The following ANO3 variants were observed in gnomAD, a reference collection of about 807,000 sequenced individuals.
ANO3 encodes the protein anoctamin 3.
A neutral mutation model predicts 144.8 loss-of-function variants in ANO3; 99 were observed. The ratio of observed to expected loss-of-function variants is 0.68; its 90% CI spans 0.58 to 0.81. The LOEUF is 0.81. Ranked by LOEUF, ANO3 falls within the 30% of genes least tolerant of loss-of-function variation. The pLI is 0.00. For missense variants in ANO3, 905 were observed against 1,202.2 expected (o/e 0.75, Z 3.66); for synonymous variants, 414 against 392.6 (o/e 1.05, Z -0.64).
At chr11:26,489,698 C>A (rs944159563) in intron 4 of ANO3, among the ~76,000 whole-genome samples, 2 of 152,190 alleles carry the variant, frequency 1.3e-5, no homozygotes, top group African/African-American at 4.8e-5. Context: ...GGATGTGAGA[C>A]CTGGAGTCAA....
intron 1 of ANO3, among the ~76,000 whole-genome samples, chr11:26,336,440 A>G (rs1855194782): frequency 6.6e-6 from 1 of 152,232 alleles, no homozygotes; most frequent in African/African-American, 2.4e-5. Context: ...AGCATTTACT[A>G]CTCACATAAC....
chr11:26,431,540 T>G (rs1392864015), intron 1 of ANO3, among the ~76,000 whole-genome samples: 2 of 152,152 alleles, frequency 1.3e-5, no homozygotes, highest in African/African-American at 4.8e-5. Context: ...GTTATTTTTG[T>G]TTGTCTCCCT....
intron 1 of ANO3, among the ~76,000 whole-genome samples, chr11:26,236,587 G>C (rs1025196831): frequency 6.6e-6 from 1 of 152,164 alleles, no homozygotes; most frequent in African/African-American, 2.4e-5. Context: ...GGGAGGCCAA[G>C]GTGGGCGGAT....
At chr11:26,497,278 A>G (rs887994912) in intron 4 of ANO3, among the ~76,000 whole-genome samples, 2 of 152,006 alleles carry the variant, frequency 1.3e-5, no homozygotes, top group Admixed American at 1.3e-4. Context: ...AAATATATAT[A>G]GGTTGATTTC....
At chr11:26,218,620 A>T (rs1012261292) in intron 1 of ANO3, among the ~76,000 whole-genome samples, 2 of 152,198 alleles carry the variant, frequency 1.3e-5, no homozygotes, top group African/African-American at 2.4e-5. Flanking sequence ...GATATAAGCT[A>T]TATAAATATG....
chr11:26,257,507 C>T (rs773734750), intron 1 of ANO3, among the ~76,000 whole-genome samples: 1 of 152,046 alleles, frequency 6.6e-6, no homozygotes, highest in Admixed American at 6.6e-5. Context: ...ATAGTTTCTA[C>T]TCAGTAAAAA....
At chr11:26,534,338 G>A in intron 8 of ANO3, 118 bp from the exon 9 acceptor site, 1 of 568,548 alleles carries the variant, frequency 1.8e-6, no homozygotes, top group South Asian at 3.3e-5. Flanking sequence ...TTTTTAAAGA[G>A]GATGATTTCC....
At chr11:26,573,516 G>T (rs1034897321) in intron 14 of ANO3, among the ~76,000 whole-genome samples, 2 of 152,152 alleles carry the variant, frequency 1.3e-5, no homozygotes, top group East Asian at 1.9e-4. Context: ...AACTGAACAT[G>T]ATTGGGCAGG....
chr11:26,304,673 A>G (rs570760237), upstream of ANO3, among the ~76,000 whole-genome samples: 2 of 152,192 alleles, frequency 1.3e-5, no homozygotes, highest in East Asian at 3.9e-4. Context: ...GAACCACCTC[A>G]TTTTTTACTA....
intron 1 of ANO3, among the ~76,000 whole-genome samples, chr11:26,341,024 T>C (rs555562593): frequency 6.6e-6 from 1 of 152,302 alleles, no homozygotes; most frequent in South Asian, 2.1e-4. Flanking sequence ...TTCTAGGCCC[T>C]GAACAAAGTT....
rs557146965 is a variant in ANO3, at chr11:26,276,552, C to A, written c.155-33093C>A. 7.9e-5 allele frequency among the ~76,000 whole-genome samples: 12 copies of A among 152,244 alleles called. No homozygotes were observed. The South Asian group carries it at 1.7e-3, about 21-fold the overall frequency. ...AGGGATCCGTTTCTAAACAAATAAA[C>A]TTCCATAAAATGGATATTCCCTAAG... On this transcript the variant is annotated intron_variant, in intron 1 of 27. Coordinates refer to the ANO3 transcript ENST00000672621.
intron 1 of ANO3, among the ~76,000 whole-genome samples, chr11:26,260,714 G>T (rs1853167894): frequency 1.3e-5 from 2 of 152,218 alleles, no homozygotes; most frequent in Admixed American, 1.3e-4. Context: ...TGCCAAGGAA[G>T]TAAGGATTAG....
At chr11:26,489,758 A>G (rs1489642657) in intron 4 of ANO3, among the ~76,000 whole-genome samples, 1 of 152,188 alleles carries the variant, frequency 6.6e-6, no homozygotes, top group African/African-American at 2.4e-5. Flanking sequence ...TGGATTTTTG[A>G]CTTGCATGGG....
intron 1 of ANO3, chr11:26,427,231 G>A (rs1235251535): frequency 1.7e-5 from 3 of 179,006 alleles, no homozygotes; most frequent in African/African-American, 7.1e-5. Flanking sequence ...AGATCAGCAT[G>A]AAATTGGAAA....
At chr11:26,649,857 C>G (rs1480761467) in intron 24 of ANO3, among the ~76,000 whole-genome samples, 1 of 152,028 alleles carries the variant, frequency 6.6e-6, no homozygotes, top group Non-Finnish European at 1.5e-5. Flanking sequence ...TTTTAAAAAC[C>G]CTGTTTTTTC....
chr11:26,651,068 G>T (rs561856592), intron 24 of ANO3, among the ~76,000 whole-genome samples: 1 of 151,950 alleles, frequency 6.6e-6, no homozygotes, highest in South Asian at 2.1e-4. Context: ...TTTTTTTTCT[G>T]ATAAAAATAA....
rs1322387891 is a variant in ANO3, at chr11:26,488,533, T to C, written c.433-19571T>C. On this transcript the variant is annotated intron_variant, in intron 4 of 26. Transcript: ENST00000256737. ...GAGTTTGTTCCTTCAGATGTTCAGA[T>C]GCCTCCGGACTTTCTTCCTTCTGGT... is the stretch of plus-strand genomic sequence containing the variant. Among the ~76,000 whole-genome samples the C allele has an allele frequency of 2.6e-5, 4 of 152,294 alleles. No individual in the cohort carries two copies. The East Asian group carries it at 7.7e-4, about 29-fold the overall frequency.
chr11:26,410,921 G>A (rs191429774), intron 1 of ANO3, among the ~76,000 whole-genome samples: 170 of 152,118 alleles, frequency 1.1e-3, no homozygotes, highest in African/African-American at 3.5e-3. Context: ...GATATTGCCA[G>A]CTGTCAGAAG....
chr11:26,431,813 CATTTA>C (rs1379157780), intron 1 of ANO3, among the ~76,000 whole-genome samples: 7 of 152,126 alleles, frequency 4.6e-5, no homozygotes, highest in Non-Finnish European at 4.4e-5. Flanking sequence ...CAATGATGAA[CATTTA>C]ATTTGATTCA....
Sources: allele counts gnomAD v4.1 joint callset (sites outside exome capture counted in the v4.1 genomes callset), GRCh38; gene constraint gnomAD v4.1.1; transcripts MANE v1.5; gene names NCBI Gene and HGNC (gene_info 2026-07-23, HGNC 2026-07-21).